Variants in CNBD1 observed in about 807,000 individuals in gnomAD.
CNBD1 encodes the protein cyclic nucleotide binding domain containing 1.
CNBD1 carries 71 observed loss-of-function variants against 54.4 expected under a neutral mutation model. That is an observed-to-expected ratio of 1.30 (90% CI 1.08 to 1.59). The LOEUF is 1.59. CNBD1 is among the 40% of genes most tolerant of loss of function. The pLI is 0.00. For synonymous variants in CNBD1, 182 were observed against 170.7 expected, an observed-to-expected ratio of 1.07 and a Z score of -0.51; for missense variants, 659 against 518.0, an observed-to-expected ratio of 1.27 and a Z score of -2.64.
chr8:87,073,237 G>A (rs553277678), intron 4 of CNBD1, among the ~76,000 whole-genome samples: 3 of 151,722 alleles, frequency 2.0e-5, no homozygotes. Flanking sequence ...CTTTGCATTG[G>A]GTTACAACAT....
At chr8:87,016,794 G>A (rs1201703003) in intron 4 of CNBD1, among the ~76,000 whole-genome samples, 1 of 152,186 alleles carries the variant, frequency 6.6e-6, no homozygotes, top group Non-Finnish European at 1.5e-5. Flanking sequence ...TAGTAGGCCA[G>A]ATAATGCCCA....
rs1304019324 is a variant in CNBD1 at position 87,166,484 on chromosome 8, C to T, written c.432-39509C>T. Among the ~76,000 whole-genome samples the T allele has an allele frequency of 1.3e-5, 2 of 151,872 alleles. No homozygotes were observed. The highest frequency in any genetic ancestry group is 1.3e-4 in the Admixed American group (2 of 15,194). ...AACACAAACTGATTTCATTTGTTGC[C>T]CCATTAATCTGTTTATTGACTTAGC... On this transcript the variant is annotated intron_variant, in intron 4 of 10. Transcript: ENST00000518476. This position sits in a 1 kb window ranked among gnomAD's most constrained non-coding sequence, Gnocchi z 4.3.
At chr8:87,072,573 T>A (rs971398930) in intron 4 of CNBD1, among the ~76,000 whole-genome samples, 1 of 134,556 alleles carries the variant, frequency 7.4e-6, no homozygotes, top group Non-Finnish European at 1.7e-5. Flanking sequence ...TGAAGCTTAG[T>A]TTGGCCAGAT....
chr8:86,894,521 C>T (rs554349092), intron 2 of CNBD1, among the ~76,000 whole-genome samples: 1 of 152,272 alleles, frequency 6.6e-6, no homozygotes, highest in African/African-American at 2.4e-5. Flanking sequence ...TTGTTATTTA[C>T]TATTAACTAA....
chr8:87,202,796 C>T (rs990465866), intron 4 of CNBD1, among the ~76,000 whole-genome samples: 6 of 152,038 alleles, frequency 3.9e-5, no homozygotes, highest in Non-Finnish European at 8.8e-5. Context: ...TAGAAGGCCT[C>T]GACTAGGAAT....
intron 4 of CNBD1, among the ~76,000 whole-genome samples, chr8:86,948,853 GTTTT>G (rs1807535102): frequency 6.6e-6 from 1 of 152,050 alleles, no homozygotes; most frequent in South Asian, 2.1e-4. Flanking sequence ...ACGTCCTGGA[GTTTT>G]CCAATGTTTC....
chr8:87,192,328 T>A (rs1274491220), intron 4 of CNBD1, among the ~76,000 whole-genome samples: 1 of 152,250 alleles, frequency 6.6e-6, no homozygotes, highest in Non-Finnish European at 1.5e-5. Flanking sequence ...GTATTCTTTT[T>A]AATTTATTGT....
At chr8:87,412,208 A>C (rs1370968690) in intron 2 of CNBD1, among the ~76,000 whole-genome samples, 1 of 152,086 alleles carries the variant, frequency 6.6e-6, no homozygotes, top group Non-Finnish European at 1.5e-5. Context: ...CTAATCATTT[A>C]TGTATGTAAT....
rs932026335 is a variant in CNBD1, at chr8:87,362,798, C to G, written c.1303+9012C>G. Among the ~76,000 whole-genome samples, 24 of 152,000 alleles carry G rather than the reference C, an allele frequency of 1.6e-4. 3 individuals are homozygous for G. The highest frequency in any genetic ancestry group is 1.4e-3 in the Admixed American group (22 of 15,220). On this transcript the variant is annotated intron_variant, in intron 10 of 10. Transcript: ENST00000518476. ...TTTTCCAAGTCAGGTACATATAACA[C>G]TGCTTATTAAATAGGTTATTATAGG...
chr8:87,374,461 A>C (rs1403568410), intron 10 of CNBD1, among the ~76,000 whole-genome samples: 1 of 151,894 alleles, frequency 6.6e-6, no homozygotes, highest in Non-Finnish European at 1.5e-5. Flanking sequence ...TTAGTATAAC[A>C]GACTATTACT....
chr8:87,149,016 A>G (rs1291907072), intron 4 of CNBD1, among the ~76,000 whole-genome samples: 2 of 152,320 alleles, frequency 1.3e-5, no homozygotes, highest in East Asian at 3.9e-4. Flanking sequence ...AGTCATGAGA[A>G]TTCATATCAC....
At chr8:87,307,486 C>T (rs1809179891) in intron 8 of CNBD1, among the ~76,000 whole-genome samples, 1 of 152,078 alleles carries the variant, frequency 6.6e-6, no homozygotes, top group South Asian at 2.1e-4. Context: ...GCCTGTAATC[C>T]CAGCATGTTT....
chr8:87,319,430 C>T (rs1383054222), intron 8 of CNBD1, among the ~76,000 whole-genome samples: 1 of 152,032 alleles, frequency 6.6e-6, no homozygotes, highest in Non-Finnish European at 1.5e-5. Flanking sequence ...TCTCCTTTGA[C>T]AATACTTGCA....
At position 87,352,830 on chromosome 8, in the gene CNBD1, C is replaced by T. The variant is rs149908707; in HGVS notation, c.1153-806C>T. Among the ~76,000 whole-genome samples, 126 of 152,256 alleles carry T rather than the reference C, an allele frequency of 8.3e-4. 2 individuals carry two copies. The East Asian group carries it at 0.014, about 17-fold the overall frequency. On this transcript the variant is annotated intron_variant, in intron 9 of 10. Coordinates refer to ENST00000518476, the MANE Select transcript of CNBD1 (RefSeq NM_173538.3). ...CTAAACTAACTTGAATTCTGCTGCA[C>T]TAATCATATTCAGTGTAAAGATTTG...
At chr8:87,314,986 G>A (rs954948947) in intron 8 of CNBD1, among the ~76,000 whole-genome samples, 1 of 151,936 alleles carries the variant, frequency 6.6e-6, no homozygotes, top group Admixed American at 6.6e-5. Flanking sequence ...AATAGTAGTA[G>A]GATTTTTTGG....
chr8:87,345,209 T>C (rs1414182606), intron 8 of CNBD1, among the ~76,000 whole-genome samples: 6 of 152,186 alleles, frequency 3.9e-5, no homozygotes, highest in Admixed American at 1.3e-4. Flanking sequence ...TATACACTTA[T>C]CTATTTAAGT....
chr8:86,985,070 C>T (rs1285887856), intron 4 of CNBD1, among the ~76,000 whole-genome samples: 1 of 152,036 alleles, frequency 6.6e-6, no homozygotes, highest in African/African-American at 2.4e-5. Flanking sequence ...GCAGGTCTTT[C>T]GTGTGCTTTA....
intron 4 of CNBD1, among the ~76,000 whole-genome samples, chr8:86,959,164 T>C (rs1265149717): frequency 6.6e-6 from 1 of 152,226 alleles, no homozygotes; most frequent in East Asian, 1.9e-4. Context: ...TTTAAGAATG[T>C]TGAATATTGG....
At chr8:86,914,437 A>G (rs908486183) in intron 3 of CNBD1, among the ~76,000 whole-genome samples, 5 of 152,184 alleles carry the variant, frequency 3.3e-5, no homozygotes, top group Admixed American at 2.0e-4. Context: ...AGGCTATACC[A>G]TATTAGCTTA....
Sources: allele counts gnomAD v4.1 joint callset (sites outside exome capture counted in the v4.1 genomes callset), GRCh38; gene constraint gnomAD v4.1.1; non-coding constraint Gnocchi (gnomAD v3.1); transcripts MANE v1.5; gene names NCBI Gene and HGNC (gene_info 2026-07-23, HGNC 2026-07-21).